PDRG1: variants seen among roughly 807,000 people sequenced by gnomAD.
The protein encoded by PDRG1 is p53 and DNA damage regulated 1, also known as p53 and DNA damage-regulated protein 1.
In PDRG1, 14 loss-of-function variants were observed where a neutral mutation model predicts 18.4. The observed-to-expected ratio is 0.76, with a 90% confidence interval of 0.50 to 1.19. PDRG1 has a LOEUF of 1.19. PDRG1 is among the 50% of genes most tolerant of loss of function. The pLI is 0.00. For synonymous variants in PDRG1, 65 were observed against 60.9 expected, an observed-to-expected ratio of 1.07 and a Z score of -0.31; for missense variants, 177 against 160.1, an observed-to-expected ratio of 1.11 and a Z score of -0.57.
At chr20:31,946,616 C>A in intron 3 of PDRG1, 40 bp from the exon 4 acceptor site, 1 of 1,541,296 alleles carries the variant, frequency 6.5e-7, no homozygotes, top group Non-Finnish European at 9.0e-7. Context: ...TAAGATTGTA[C>A]CAGACAGACT....
In PDRG1 at chr20:31,944,638, A is replaced by G. The variant is rs550276737; in HGVS notation, c.*1169T>C. The G allele has an allele frequency of 2.6e-5, 4 of 152,228 alleles. No individual in the cohort carries two copies. The East Asian group carries it at 7.7e-4, about 29-fold the overall frequency. 9.4% of individuals were successfully genotyped at this position (152,228 alleles called of 1,614,324 possible). Reference sequence around the variant, plus strand: ...TATCTGGAGCTAACACCTGTGACCCACACTCATGTTTTAAAAGTTTCTGCA... The same window carrying G: ...TATCTGGAGCTAACACCTGTGACCCGCACTCATGTTTTAAAAGTTTCTGCA... On this transcript the variant is annotated 3_prime_UTR_variant, in exon 5 of 5. Transcript: ENST00000202017.
chr20:31,947,440 CCAA>C (rs1177330522), intron 3 of PDRG1, among the ~76,000 whole-genome samples: 1 of 152,214 alleles, frequency 6.6e-6, no homozygotes, highest in Non-Finnish European at 1.5e-5. Context: ...GCCAAAAGGG[CCAA>C]CAAGATCCTG....
chr20:31,951,991 G>C lies in PDRG1; in HGVS notation c.-30C>G, dbSNP rs755338362. 2.0e-6 allele frequency: 3 copies of C among 1,516,906 alleles called. No individual in the cohort carries two copies. The highest frequency in any genetic ancestry group is 2.6e-6 in the Non-Finnish European group (3 of 1,134,828). The allele number at this position is 1,516,906 out of a possible 1,614,324, so 94.0% of individuals were successfully genotyped here. On this transcript the variant is annotated 5_prime_UTR_variant, in exon 1 of 5. Transcript: ENST00000202017. ...CCCACCAACTCCGCTTGCGGCTCTC[G>C]CGCGACCCCGGGATCTCCGCTTCGA...
chr20:31,946,126 G>A (rs766890465), intron 4 of PDRG1, among the ~76,000 whole-genome samples: 9 of 152,158 alleles, frequency 5.9e-5, no homozygotes, highest in Non-Finnish European at 1.2e-4. Context: ...CAAGACCTGT[G>A]ACCAATCTAG....
chr20:31,950,197 A>G, intron 2 of PDRG1, 115 bp downstream of exon 2: 1 of 842,382 alleles, frequency 1.2e-6, no homozygotes, highest in South Asian at 1.6e-5. Context: ...AATTTCCCAC[A>G]AGGCTGAGTT....
At chr20:31,950,421 A>C (rs369023085) in intron 1 of PDRG1, 34 bp from the exon 2 acceptor site, 2 of 1,529,616 alleles carry the variant, frequency 1.3e-6, no homozygotes, top group Non-Finnish European at 1.8e-6. Context: ...GAACTCAGCT[A>C]TCTCTTGCCC....
At position 31,945,541 on chromosome 20, in the gene PDRG1, C is replaced by T. The variant is rs142316038; in HGVS notation, c.*266G>A. ...TCTTACACCCCCACAGCCACTGCCC[C>T]ACACACCCACTGGTGGCTACCAAGG... On this transcript the variant is annotated 3_prime_UTR_variant, in exon 5 of 5. Transcript: ENST00000202017. The T allele has an allele frequency of 0.012, 4,549 of 390,170 alleles. 47 individuals carry two copies. Among genetic ancestry groups the T allele is most frequent in the Non-Finnish European group, 0.015 (3,297 of 213,976 alleles). The allele number at this position is 390,170 out of a possible 1,614,324, so 24.2% of individuals were successfully genotyped here.
chr20:31,950,467 G>A, intron 1 of PDRG1, 80 bp from the exon 2 acceptor site: 1 of 1,048,562 alleles, frequency 9.5e-7, no homozygotes, highest in Middle Eastern at 2.2e-4. Flanking sequence ...GGGTTGCAGA[G>A]GCAATGCATT....
At chr20:31,951,175 G>A (rs2064349399) in intron 1 of PDRG1, among the ~76,000 whole-genome samples, 1 of 152,138 alleles carries the variant, frequency 6.6e-6, no homozygotes, top group Non-Finnish European at 1.5e-5. Flanking sequence ...TCTAACTGGA[G>A]ATGAGAGGGA....
In PDRG1 at chr20:31,946,512, G is replaced by A; in HGVS notation, c.303C>T (p.Arg101=). ...LRKQLKVKVN[R]LFEAQGKPEL... Reference sequence around the variant, plus strand: ...AGCCAATACCTTGGGCCTCAAAAAGGCGGTTGACCTTCACTTTAAGTTGCT... The same window carrying A: ...AGCCAATACCTTGGGCCTCAAAAAGACGGTTGACCTTCACTTTAAGTTGCT... Residue 101 remains arginine, a synonymous_variant, in exon 4 of 5, where the codon CGC becomes CGT. Transcript: ENST00000202017. The A allele has an allele frequency of 1.2e-6, 2 of 1,611,192 alleles. No individual in the cohort carries two copies. Among genetic ancestry groups the A allele is most frequent in the Middle Eastern group, 1.7e-4 (1 of 6,056 alleles).
At chr20:31,949,196 C>T (rs993443524) in intron 2 of PDRG1, among the ~76,000 whole-genome samples, 3 of 152,092 alleles carry the variant, frequency 2.0e-5, no homozygotes, top group Non-Finnish European at 4.4e-5. Context: ...GAGTGTGAGC[C>T]CTGCAGACAT....
rs1303693085 is a variant in PDRG1 at position 31,951,523 on chromosome 20, G to A, written c.87+352C>T. ...CGTCCCCACCCCTGCCCGGTCACAA[G>A]GCCCCCTCAGGCTTCTTTTCGGTTC... On this transcript the variant is annotated intron_variant, in intron 1 of 4. Transcript: ENST00000202017. Among the ~76,000 whole-genome samples the A allele has an allele frequency of 2.0e-5, 3 of 152,050 alleles. 1 individual carries two copies. Among genetic ancestry groups the A allele is most frequent in the South Asian group, 4.1e-4 (2 of 4,826 alleles).
At chr20:31,950,171 C>T (rs2064343323) in intron 2 of PDRG1, 141 bp downstream of exon 2, 3 of 692,852 alleles carry the variant, frequency 4.3e-6, no homozygotes, top group African/African-American at 3.6e-5. Context: ...GCTCCCCCAT[C>T]TCCCCGGACT....
rs898631635 is a variant in PDRG1 at position 31,948,756 on chromosome 20, A to G, written c.238+52T>C. Reference sequence around the variant, plus strand: ...TGACTCCCTGTTCTGGGTTAAGACCAAAGCTGGTGGGAGAGGCAGCACACC... The same window carrying G: ...TGACTCCCTGTTCTGGGTTAAGACCGAAGCTGGTGGGAGAGGCAGCACACC... On this transcript the variant is annotated intron_variant, in intron 3 of 4. Coordinates refer to ENST00000202017, the MANE Select transcript of PDRG1 (RefSeq NM_030815.3). 4 of 1,535,946 alleles carry G rather than the reference A, an allele frequency of 2.6e-6. No homozygotes were observed. The Admixed American group carries it at 7.5e-5, about 29-fold the overall frequency.
At position 31,945,593 on chromosome 20, in the gene PDRG1, A is replaced by G. The variant is rs924047291; in HGVS notation, c.*214T>C. The G allele has an allele frequency of 9.1e-5, 45 of 493,044 alleles. No homozygotes were observed. The highest frequency in any genetic ancestry group is 1.4e-4 in the Non-Finnish European group (39 of 276,014). 30.5% of individuals were successfully genotyped at this position (493,044 alleles called of 1,614,324 possible). A position where few individuals can be genotyped will look rare whatever the true frequency, so the allele number is the denominator to read the frequency against. On this transcript the variant is annotated 3_prime_UTR_variant, in exon 5 of 5. Transcript: ENST00000202017. ...CCGTCAATAGATCTTGTGTCCACCGAGCCCTGGTGTCCAGGTCCAGCAGCC... is the reference window on the plus strand; with the variant it reads ...CCGTCAATAGATCTTGTGTCCACCGGGCCCTGGTGTCCAGGTCCAGCAGCC...
chr20:31,945,442 C>A lies in PDRG1; in HGVS notation c.*365G>T. ...TGCTGGAATGACACTCCACTCTGCCCCTCCCTCCCTCCTTCCTTGCTCAGG... is the reference window on the plus strand; with the variant it reads ...TGCTGGAATGACACTCCACTCTGCCACTCCCTCCCTCCTTCCTTGCTCAGG... On this transcript the variant is annotated 3_prime_UTR_variant, in exon 5 of 5. Transcript: ENST00000202017. 1 of 181,630 alleles carries A rather than the reference C, an allele frequency of 5.5e-6. No homozygotes were observed. The highest frequency in any genetic ancestry group is 1.2e-5 in the Non-Finnish European group (1 of 86,614). The allele number at this position is 181,630 out of a possible 1,614,324, so 11.3% of individuals were successfully genotyped here.
chr20:31,945,789 C>T lies in PDRG1; in HGVS notation c.*18G>A. ...TGACCCTGGGGGGTTGCTGGTCCCC[C>T]ATCTTGGTTCTTGAGTCTCATCCTT... On this transcript the variant is annotated 3_prime_UTR_variant, in exon 5 of 5. Transcript: ENST00000202017. The T allele has an allele frequency of 6.2e-7, 1 of 1,605,808 alleles. No homozygotes were observed. The highest frequency in any genetic ancestry group is 8.5e-7 in the Non-Finnish European group (1 of 1,172,870).
In PDRG1 at chr20:31,944,828, T is replaced by C. The variant is rs945989141; in HGVS notation, c.*979A>G. On this transcript the variant is annotated 3_prime_UTR_variant, in exon 5 of 5. Transcript: ENST00000202017. ...GAGGTGTGCCCCTGCCATGCTGCCA[T>C]TTGTTATCACCCGCCTGTCAAATCA... 6.6e-6 allele frequency: 1 copy of C among 152,174 alleles called. No individual in the cohort carries two copies. Among genetic ancestry groups the C allele is most frequent in the Admixed American group, 6.6e-5 (1 of 15,264 alleles). The allele number at this position is 152,174 out of a possible 1,614,324, so 9.4% of individuals were successfully genotyped here.
chr20:31,949,745 C>A (rs1184123726), intron 2 of PDRG1, among the ~76,000 whole-genome samples: 1 of 152,122 alleles, frequency 6.6e-6, no homozygotes, highest in Non-Finnish European at 1.5e-5. Context: ...TGAGAAGCAA[C>A]TGGAAGATTC....
Sources: allele counts gnomAD v4.1 joint callset (sites outside exome capture counted in the v4.1 genomes callset), GRCh38; gene constraint gnomAD v4.1.1; transcripts MANE v1.5; gene names NCBI Gene and HGNC (gene_info 2026-07-23, HGNC 2026-07-21).